The following CFAP46 variants were observed in gnomAD, a reference collection of about 807,000 sequenced individuals.
CFAP46 encodes cilia- and flagella-associated protein 46.
CFAP46 carries 245 observed loss-of-function variants against 325.7 expected under a neutral mutation model. The observed-to-expected ratio is 0.75, with a 90% CI of 0.68 to 0.84. CFAP46 has a LOEUF of 0.84. Among genes scored for constraint, CFAP46 ranks in the 40% least tolerant of loss-of-function variants. The pLI, the probability that CFAP46 is intolerant of heterozygous loss-of-function variation, is 0.00. For missense variants in CFAP46, 3,346 were observed against 3,543.0 expected, an observed-to-expected ratio of 0.94 and a Z score of 1.41; for synonymous variants, 1,523 against 1,495.9, an observed-to-expected ratio of 1.02 and a Z score of -0.42.
At chr10:132,890,682 T>C (rs568824604) in intron 25 of CFAP46, among the ~76,000 whole-genome samples, 21 of 151,910 alleles carry the variant, frequency 1.4e-4, no homozygotes, top group Admixed American at 1.4e-3. Context: ...TGTATCCCCA[T>C]CTCCTGCTCA....
intron 17 of CFAP46, 44 bp from the exon 18 acceptor site, chr10:132,913,302 C>T: frequency 6.6e-7 from 1 of 1,518,230 alleles, no homozygotes; most frequent in Non-Finnish European, 8.9e-7. Context: ...GGGTCCCCAG[C>T]CCCGGGGCCA....
At chr10:132,882,420 G>A (rs1313526466) in intron 27 of CFAP46, among the ~76,000 whole-genome samples, 1 of 151,880 alleles carries the variant, frequency 6.6e-6, no homozygotes, top group Non-Finnish European at 1.5e-5. Flanking sequence ...ATGGGTCTAG[G>A]TGCAAGGTGT....
Position 132,832,542 on chromosome 10 carries a change from G to C in CFAP46, c.7117+816C>G, listed in dbSNP as rs758583106. Reference sequence around the variant, plus strand: ...ACCCTCATTTCATGTGCTTTTCTCTGGTTTTTATTTGTCTCAGCTGGAAGA... The same window carrying C: ...ACCCTCATTTCATGTGCTTTTCTCTCGTTTTTATTTGTCTCAGCTGGAAGA... On this transcript the variant is annotated intron_variant, in intron 50 of 57. Transcript: ENST00000368586. The surrounding 1 kb of genome is among the most constrained non-coding windows in gnomAD (Gnocchi z 4.1). 2 of 332,066 alleles carry C rather than the reference G, an allele frequency of 6.0e-6. No individual in the cohort carries two copies. Among genetic ancestry groups the C allele is most frequent in the African/African-American group, 4.4e-5 (2 of 45,902 alleles). The allele number at this position is 332,066 out of a possible 1,614,324, so 20.6% of individuals were successfully genotyped here.
At chr10:132,868,279 G>A (rs1848847513) in intron 33 of CFAP46, among the ~76,000 whole-genome samples, 1 of 152,130 alleles carries the variant, frequency 6.6e-6, no homozygotes, top group African/African-American at 2.4e-5. Context: ...TCCACAGCTC[G>A]TAAACAAATG....
intron 31 of CFAP46, among the ~76,000 whole-genome samples, chr10:132,873,061 C>CTTTTTTTTTTTTTTTTTTTTTTT (rs1848915303): frequency 6.6e-6 from 1 of 152,222 alleles, no homozygotes; most frequent in African/African-American, 2.4e-5. Flanking sequence ...ACGTGATAAT[C>CTTTTTTTTTTTTTTTTTTTTTTT]TTTGTGAACA....
chr10:132,919,321 G>A lies in CFAP46; in HGVS notation c.1852C>T (p.Arg618Trp), dbSNP rs771294709. ...DNVKVKKLRL[R>W]RGKKKRGRDG... Reference sequence around the variant, plus strand: ...CGTGAGGGCGGGTACGAACCTCGCCGCAGCCTCAACTTCTTCACCTTGACG... The same window carrying A: ...CGTGAGGGCGGGTACGAACCTCGCCACAGCCTCAACTTCTTCACCTTGACG... Residue 618 changes from arginine to tryptophan, a missense_variant, in exon 15 of 58, where the codon CGG becomes TGG. By Grantham distance (101) the Arg-to-Trp change is moderately radical. Coordinates refer to ENST00000368586, the MANE Select transcript of CFAP46 (RefSeq NM_001200049.3). The surrounding 1 kb of genome is among the most constrained non-coding windows in gnomAD (Gnocchi z 9.7). 14 of 1,549,294 alleles carry A rather than the reference G, an allele frequency of 9.0e-6. No individual in the cohort carries two copies. The highest frequency in any genetic ancestry group is 2.4e-5 in the South Asian group (2 of 84,020).
At chr10:132,931,056 C>A (rs1236884140) in intron 8 of CFAP46, among the ~76,000 whole-genome samples, 4 of 102,782 alleles carry the variant, frequency 3.9e-5, no homozygotes, top group African/African-American at 1.2e-4. Context: ...CCACACAGAG[C>A]CTGGGCCTCC....
intron 22 of CFAP46, among the ~76,000 whole-genome samples, chr10:132,900,624 A>AG (rs1349887283): frequency 1.3e-5 from 2 of 152,268 alleles, no homozygotes; most frequent in African/African-American, 4.8e-5. Context: ...ATGGGCCTGC[A>AG]GTGCCCAATG....
Position 132,886,918 on chromosome 10 carries a change from C to T in CFAP46, c.3305-959G>A, listed in dbSNP as rs1849140406. Among the ~76,000 whole-genome samples the T allele has an allele frequency of 6.6e-6, 1 of 152,074 alleles. No individual in the cohort carries two copies. Among genetic ancestry groups the T allele is most frequent in the South Asian group, 2.1e-4 (1 of 4,824 alleles). On this transcript the variant is annotated intron_variant, in intron 25 of 57. Transcript: ENST00000368586. The surrounding 1 kb of genome is among the most constrained non-coding windows in gnomAD (Gnocchi z 5.8). ...GGCGCTGCCCAGCCCAGCCTGCACA[C>T]CCTTCCCCTGACGGTAATTCCCACA...
At chr10:132,917,782 A>C (rs2135582242) in intron 16 of CFAP46, among the ~76,000 whole-genome samples, 1 of 152,294 alleles carries the variant, frequency 6.6e-6, no homozygotes, top group Non-Finnish European at 1.5e-5. Flanking sequence ...GTGGGTTAAC[A>C]GGCCACGTGG....
intron 8 of CFAP46, among the ~76,000 whole-genome samples, chr10:132,933,334 C>A (rs1474641250): frequency 6.6e-6 from 1 of 152,212 alleles, no homozygotes; most frequent in Non-Finnish European, 1.5e-5. Context: ...AAGAGAGAAT[C>A]CGTAAAAGTG....
chr10:132,912,848 C>A (rs765308017), intron 18 of CFAP46, 28 bp from the exon 19 acceptor site: 1 of 1,544,888 alleles, frequency 6.5e-7, no homozygotes, highest in South Asian at 1.2e-5. Context: ...CAGAGGGAAC[C>A]TTGGCCCCCG....
chr10:132,863,346 GGCCCCAGCA>G (rs1022089991), intron 35 of CFAP46, among the ~76,000 whole-genome samples: 14 of 152,094 alleles, frequency 9.2e-5, no homozygotes, highest in Non-Finnish European at 1.5e-4. Context: ...CCAGCCCTGC[GGCCCCAGCA>G]GAGGCTGGCC....
At position 132,921,974 on chromosome 10, in the gene CFAP46, C is replaced by A. The variant is rs368972747; in HGVS notation, c.1606+130G>T. The A allele has an allele frequency of 1.5e-4, 177 of 1,187,318 alleles. 2 individuals carry two copies. The highest frequency in any genetic ancestry group is 1.1e-3 in the South Asian group (69 of 60,330). 73.5% of individuals were successfully genotyped at this position (1,187,318 alleles called of 1,614,324 possible). On this transcript the variant is annotated intron_variant, in intron 13 of 57. Transcript: ENST00000368586. ...GGCGGGCCGAGATCGAAGGACACTGCCGGTGCAAGGTCCTTGTGCATCCAG... is the reference window on the plus strand; with the variant it reads ...GGCGGGCCGAGATCGAAGGACACTGACGGTGCAAGGTCCTTGTGCATCCAG...
chr10:132,937,392 G>A (rs1408382148), intron 6 of CFAP46, 160 bp downstream of exon 6: 1 of 792,046 alleles, frequency 1.3e-6, no homozygotes, highest in Non-Finnish European at 2.0e-6. Context: ...TGGATGAACT[G>A]CTATTTCTTT....
At chr10:132,841,982 C>T (rs1848351844) in intron 44 of CFAP46, among the ~76,000 whole-genome samples, 1 of 152,166 alleles carries the variant, frequency 6.6e-6, no homozygotes, top group South Asian at 2.1e-4. Flanking sequence ...GCACCCGGCC[C>T]TTCCTCTCTG....
At chr10:132,926,242 C>G (rs930669981) in intron 10 of CFAP46, among the ~76,000 whole-genome samples, 2 of 152,168 alleles carry the variant, frequency 1.3e-5, no homozygotes, top group Non-Finnish European at 1.5e-5. Context: ...GGCCGTCCCC[C>G]GTCCTCCCAG....
chr10:132,931,925 C>T (rs1849914105), intron 8 of CFAP46, among the ~76,000 whole-genome samples: 1 of 143,620 alleles, frequency 7.0e-6, no homozygotes, highest in African/African-American at 2.6e-5. Context: ...CCTCCCCACG[C>T]AGAGGCTGGG....
At chr10:132,821,476 G>A (rs1444170984) in intron 50 of CFAP46, among the ~76,000 whole-genome samples, 18 of 144,808 alleles carry the variant, frequency 1.2e-4, no homozygotes, top group African/African-American at 3.2e-4. Flanking sequence ...TGTGTGTTGT[G>A]TGTGCTGTGT....
Sources: allele counts gnomAD v4.1 joint callset (sites outside exome capture counted in the v4.1 genomes callset), GRCh38; gene constraint gnomAD v4.1.1; non-coding constraint Gnocchi (gnomAD v3.1); transcripts MANE v1.5; gene names NCBI Gene and HGNC (gene_info 2026-07-23, HGNC 2026-07-21).